The following CFAP54 variants were observed in gnomAD, a reference collection of about 807,000 sequenced individuals.
CFAP54 encodes the protein cilia- and flagella-associated protein 54.
In CFAP54, 290 loss-of-function variants were observed where a neutral mutation model predicts 370.4. The ratio of observed to expected loss-of-function variants is 0.78; its 90% CI spans 0.71 to 0.86. The LOEUF is 0.86. CFAP54 is among the 40% of genes least tolerant of loss of function. The probability of loss-of-function intolerance (pLI) is 0.00; values close to 1 mark genes in which losing one functional copy is unlikely to be tolerated. For synonymous variants in CFAP54, 1,206 were observed against 1,236.5 expected (o/e 0.98, Z 0.52); for missense variants, 3,399 against 3,528.7 (o/e 0.96, Z 0.93).
At chr12:96,603,836 T>G (rs1467796628) in intron 26 of CFAP54, among the ~76,000 whole-genome samples, 1 of 152,242 alleles carries the variant, frequency 6.6e-6, no homozygotes, top group Non-Finnish European at 1.5e-5. Context: ...CTACACTGTT[T>G]ATTCTAGTTA....
At chr12:96,532,820 C>T (rs1390827116) in intron 9 of CFAP54, among the ~76,000 whole-genome samples, 3 of 152,068 alleles carry the variant, frequency 2.0e-5, no homozygotes, top group Non-Finnish European at 4.4e-5. Flanking sequence ...GGGGTTACTC[C>T]ATGTTGCCCA....
At chr12:96,674,080 G>A (rs917230475) in intron 39 of CFAP54, among the ~76,000 whole-genome samples, 1 of 152,136 alleles carries the variant, frequency 6.6e-6, no homozygotes, top group African/African-American at 2.4e-5. Context: ...TCACTCTCTT[G>A]AGTTTTGACC....
intron 3 of CFAP54, among the ~76,000 whole-genome samples, chr12:96,504,888 C>T (rs1426064215): frequency 1.3e-5 from 2 of 152,044 alleles, no homozygotes; most frequent in East Asian, 3.8e-4. Context: ...TGACCCCCTA[C>T]CTTCTGCTTT....
intron 67 of CFAP54, among the ~76,000 whole-genome samples, chr12:96,871,017 A>C (rs1296427314): frequency 6.6e-6 from 1 of 152,230 alleles, no homozygotes; most frequent in Non-Finnish European, 1.5e-5. Flanking sequence ...CTGAGGATTC[A>C]GAAGTCAGGG....
At chr12:96,627,263 G>T (rs142860379) in intron 30 of CFAP54, among the ~76,000 whole-genome samples, 1 of 152,218 alleles carries the variant, frequency 6.6e-6, no homozygotes, top group African/African-American at 2.4e-5. Flanking sequence ...TCCAGTTTTG[G>T]TCATTTACCA....
intron 44 of CFAP54, among the ~76,000 whole-genome samples, chr12:96,692,087 A>G (rs1403536021): frequency 6.9e-6 from 1 of 145,074 alleles, no homozygotes; most frequent in Non-Finnish European, 1.5e-5. Flanking sequence ...TTTCCCCCAC[A>G]TATTTTTTTC....
intron 26 of CFAP54, among the ~76,000 whole-genome samples, chr12:96,603,837 A>T (rs765356385): frequency 6.6e-6 from 1 of 152,082 alleles, no homozygotes; most frequent in Non-Finnish European, 1.5e-5. Context: ...TACACTGTTT[A>T]TTCTAGTTAG....
Position 96,527,422 on chromosome 12 carries a change from G to C in CFAP54, c.1335G>C (p.Met445Ile), listed in dbSNP as rs1331955895. 1 of 1,519,454 alleles carries C rather than the reference G, an allele frequency of 6.6e-7. No homozygotes were observed. The highest frequency in any genetic ancestry group is 8.8e-7 in the Non-Finnish European group (1 of 1,137,352). 94.1% of individuals were successfully genotyped at this position (1,519,454 alleles called of 1,614,324 possible). A position where few individuals can be genotyped will look rare whatever the true frequency, so the allele number is the denominator to read the frequency against. The change falls in exon 9 of 68, where the codon ATG becomes ATC. Residue 445 changes from methionine to isoleucine, a missense_variant. Physicochemically the swap from Met to Ile is conservative, Grantham distance 10. Transcript: ENST00000524981. ...EIHDVVSELF[M>I]AGKELLIMSN... ...ATGATGTTGTCTCAGAATTGTTTAT[G>C]GCAGGAAAAGAACTTTTGATAAGTA... is the stretch of plus-strand genomic sequence containing the variant.
intron 40 of CFAP54, 88 bp downstream of exon 40, chr12:96,679,840 C>T: frequency 7.4e-7 from 1 of 1,349,768 alleles, no homozygotes; most frequent in Non-Finnish European, 1.0e-6. Context: ...TCATTCTTCC[C>T]TCCCCGTGTA....
In CFAP54 at chr12:96,737,199, A is replaced by G. The variant is rs1372133030; in HGVS notation, c.6966-2757A>G. ...CCCCGACAAGCATTTCTTGAGTGTC[A>G]TGTCAGCACTCAAAAAGCTTTAGAT... On this transcript the variant is annotated intron_variant, in intron 50 of 67. Coordinates refer to ENST00000524981, the MANE Select transcript of CFAP54 (RefSeq NM_001306084.2). Among the ~76,000 whole-genome samples the G allele has an allele frequency of 5.3e-5, 8 of 152,144 alleles. No homozygotes were observed. In the East Asian group the frequency reaches 1.5e-3, roughly 29 times the overall value.
intron 63 of CFAP54, among the ~76,000 whole-genome samples, chr12:96,808,622 G>A (rs1958904140): frequency 6.6e-6 from 1 of 152,132 alleles, no homozygotes; most frequent in Non-Finnish European, 1.5e-5. Flanking sequence ...CTTATCTGAG[G>A]AGGAGCCTTT....
chr12:96,600,196 C>T (rs1455838526), intron 26 of CFAP54, among the ~76,000 whole-genome samples: 6 of 152,268 alleles, frequency 3.9e-5, no homozygotes, highest in Non-Finnish European at 5.9e-5. Context: ...GGAAGGAATC[C>T]AGTTTCAGCT....
chr12:96,792,520 A>G, intron 63 of CFAP54, 21 bp downstream of exon 63: 2 of 1,494,598 alleles, frequency 1.3e-6, no homozygotes, highest in Non-Finnish European at 1.8e-6. Context: ...TACTTATAGA[A>G]CTCAATATTT....
chr12:96,737,554 A>G (rs768674083), intron 50 of CFAP54, among the ~76,000 whole-genome samples: 16 of 149,922 alleles, frequency 1.1e-4, no homozygotes, highest in Non-Finnish European at 1.6e-4. Context: ...CAGTGGCGCC[A>G]TCTTGGCTCA....
intron 22 of CFAP54, among the ~76,000 whole-genome samples, chr12:96,584,958 C>A (rs1182990962): frequency 6.6e-6 from 1 of 152,070 alleles, no homozygotes; most frequent in African/African-American, 2.4e-5. Context: ...TGACTAGCCT[C>A]TAACTGTGGC....
At position 96,503,973 on chromosome 12, in the gene CFAP54, C is replaced by T. The variant is rs535964849; in HGVS notation, c.511C>T (p.Gln171Ter). Residue 171 changes from glutamine (Q) to a stop codon, truncating the protein, a stop_gained, in exon 3 of 68, where the codon CAA becomes TAA. Transcript: ENST00000524981. LOFTEE classifies it high-confidence loss of function. The part of the protein sequence containing the change: ...NFDENKVDVT[Q>*]FKATFFPKGF... Reference sequence around the variant, plus strand: ...TGATGAGAATAAAGTGGATGTAACTCAATTCAAAGCTACCTTTTTCCCAAA... The same window carrying T: ...TGATGAGAATAAAGTGGATGTAACTTAATTCAAAGCTACCTTTTTCCCAAA... The T allele has an allele frequency of 1.0e-5, 16 of 1,524,356 alleles. No individual in the cohort carries two copies. The highest frequency in any genetic ancestry group is 1.4e-5 in the Non-Finnish European group (16 of 1,142,384). The allele number at this position is 1,524,356 out of a possible 1,614,324, so 94.4% of individuals were successfully genotyped here.
intron 17 of CFAP54, among the ~76,000 whole-genome samples, chr12:96,557,895 A>G (rs1044153225): frequency 6.6e-6 from 1 of 152,122 alleles, no homozygotes; most frequent in African/African-American, 2.4e-5. Context: ...GTTATCAGGT[A>G]TGCAGGTAGT....
intron 61 of CFAP54, among the ~76,000 whole-genome samples, chr12:96,786,174 G>A (rs989435986): frequency 2.6e-5 from 4 of 150,944 alleles, no homozygotes; most frequent in African/African-American, 7.3e-5. Context: ...ACCCTCATGT[G>A]CCTTTGAAAT....
chr12:96,819,344 A>T (rs1959007574), intron 65 of CFAP54, among the ~76,000 whole-genome samples: 1 of 152,194 alleles, frequency 6.6e-6, no homozygotes, highest in African/African-American at 2.4e-5. Context: ...AACTTCCATC[A>T]TAGCACTTCC....
Sources: allele counts gnomAD v4.1 joint callset (sites outside exome capture counted in the v4.1 genomes callset), GRCh38; gene constraint gnomAD v4.1.1; transcripts MANE v1.5; gene names NCBI Gene and HGNC (gene_info 2026-07-23, HGNC 2026-07-21).